The following CSMD3 variants were observed in gnomAD, a reference collection of about 807,000 sequenced individuals.
CSMD3 encodes CUB and sushi domain-containing protein 3.
A neutral mutation model predicts 435.2 loss-of-function variants in CSMD3; 177 were observed. The observed-to-expected ratio is 0.41, with a 90% confidence interval of 0.36 to 0.46. The LOEUF (loss-of-function observed/expected upper bound fraction) is 0.46. Among genes scored for constraint, CSMD3 ranks in the 20% least tolerant of loss-of-function variants. The pLI is 0.34. For synonymous variants in CSMD3, 1,656 were observed against 1,520.5 expected, an observed-to-expected ratio of 1.09 and a Z score of -2.07; for missense variants, 4,265 against 4,504.6, an observed-to-expected ratio of 0.95 and a Z score of 1.52.
chr8:112,366,207 T>C (rs969184041), intron 38 of CSMD3, among the ~76,000 whole-genome samples: 1 of 152,174 alleles, frequency 6.6e-6, no homozygotes, highest in African/African-American at 2.4e-5. Flanking sequence ...ATTCTGCTGG[T>C]TGACTTTCTG....
intron 30 of CSMD3, among the ~76,000 whole-genome samples, chr8:112,494,505 T>TTC (rs1288395397): frequency 2.1e-4 from 12 of 56,266 alleles, no homozygotes; most frequent in African/African-American, 5.7e-4. Context: ...CTTTCTTTCT[T>TTC]TCTTTCTTTC....
intron 10 of CSMD3, among the ~76,000 whole-genome samples, chr8:112,893,077 A>G (rs1173256189): frequency 2.0e-5 from 3 of 151,192 alleles, no homozygotes; most frequent in African/African-American, 7.3e-5. Flanking sequence ...TATAACAACA[A>G]CAACTACTAC....
chr8:113,311,808 A>C lies in CSMD3; in HGVS notation c.401+2763T>G, dbSNP rs1342042008. The stretch of plus-strand genomic sequence containing the variant: ...CTTCTTGAAGCACAAAAACCAATAA[A>C]TGTGTTAAATGTTTACAGTGAGCAA... On this transcript the variant is annotated intron_variant, in intron 2 of 70. Coordinates refer to ENST00000297405, the MANE Select transcript of CSMD3 (RefSeq NM_198123.2). 5.3e-5 allele frequency: 8 copies of C among 152,246 alleles called. No individual in the cohort carries two copies. In the East Asian group the frequency reaches 1.5e-3, roughly 29 times the overall value. 9.4% of individuals were successfully genotyped at this position (152,246 alleles called of 1,614,324 possible).
At chr8:113,134,243 T>C (rs2091357851) in intron 4 of CSMD3, among the ~76,000 whole-genome samples, 1 of 152,082 alleles carries the variant, frequency 6.6e-6, no homozygotes, top group African/African-American at 2.4e-5. Context: ...TTTCCTATAT[T>C]ACCTCCTTCT....
intron 27 of CSMD3, among the ~76,000 whole-genome samples, chr8:112,541,588 A>G (rs766390569): frequency 3.9e-5 from 6 of 151,914 alleles, no homozygotes; most frequent in Non-Finnish European, 7.4e-5. Flanking sequence ...CATTATTAAT[A>G]TGGCCATTTA....
intron 35 of CSMD3, among the ~76,000 whole-genome samples, chr8:112,397,632 T>A (rs1371885962): frequency 6.6e-6 from 1 of 152,160 alleles, no homozygotes; most frequent in Non-Finnish European, 1.5e-5. Context: ...TCTGGCTGTG[T>A]CCTCACATGG....
chr8:112,755,962 A>T (rs1413349328), intron 13 of CSMD3, among the ~76,000 whole-genome samples: 2 of 151,700 alleles, frequency 1.3e-5, no homozygotes, highest in African/African-American at 2.4e-5. Flanking sequence ...TGGTCACAAG[A>T]TTGAGATTAT....
chr8:112,468,290 CT>C (rs1752014021), intron 32 of CSMD3, among the ~76,000 whole-genome samples: 1 of 103,600 alleles, frequency 9.7e-6, no homozygotes. Flanking sequence ...TCAGCTTTGT[CT>C]TCTCTACTGT....
At chr8:112,890,192 C>A (rs2081741761) in intron 10 of CSMD3, among the ~76,000 whole-genome samples, 1 of 151,618 alleles carries the variant, frequency 6.6e-6, no homozygotes, top group African/African-American at 2.4e-5. Flanking sequence ...TTCTTCCCAT[C>A]AAAATGCATC....
chr8:113,353,694 T>C (rs2094204053), intron 1 of CSMD3, among the ~76,000 whole-genome samples: 1 of 152,168 alleles, frequency 6.6e-6, no homozygotes, highest in Non-Finnish European at 1.5e-5. Context: ...CCTGTTAAAG[T>C]GGATTCACTC....
intron 13 of CSMD3, among the ~76,000 whole-genome samples, chr8:112,792,860 T>A (rs1232132463): frequency 2.6e-5 from 4 of 152,056 alleles, no homozygotes; most frequent in Non-Finnish European, 4.4e-5. Flanking sequence ...TGTGGGTCTA[T>A]TTCTGAACTA....
intron 5 of CSMD3, among the ~76,000 whole-genome samples, chr8:113,039,484 T>C (rs374267079): frequency 1.3e-5 from 2 of 152,294 alleles, no homozygotes; most frequent in East Asian, 1.9e-4. Flanking sequence ...TGCATACATA[T>C]GCACAAATAA....
intron 5 of CSMD3, among the ~76,000 whole-genome samples, chr8:113,071,925 T>C (rs879828335): frequency 6.6e-6 from 1 of 151,870 alleles, no homozygotes; most frequent in Non-Finnish European, 1.5e-5. Flanking sequence ...AAAAAATATT[T>C]GCTGTTTCAA....
Position 112,287,042 on chromosome 8 carries a change from T to C in CSMD3, c.9331+22A>G, listed in dbSNP as rs750765932. On this transcript the variant is annotated intron_variant, in intron 58 of 70. Transcript: ENST00000297405. ...ACTAAAATCCAGTAGTTGCAATATA[T>C]TTAATTTCTGCTTGAGATTACCTTT... is the stretch of plus-strand genomic sequence containing the variant. 2.6e-5 allele frequency: 42 copies of C among 1,599,062 alleles called. No homozygotes were observed. In the East Asian group the frequency reaches 9.2e-4, roughly 35 times the overall value.
rs745434580 is a variant in CSMD3 at position 112,304,714 on chromosome 8, T to G, written c.8266+7A>C. The G allele has an allele frequency of 2.5e-6, 4 of 1,600,146 alleles. No homozygotes were observed. The highest frequency in any genetic ancestry group is 3.4e-6 in the Non-Finnish European group (4 of 1,167,436). ...TATGAAATAAGTTTAGCAGAGTGTA[T>G]ACTTACTTTGGCAATATGGTCTTTC... On this transcript the variant is annotated splice_region_variant and intron_variant, in intron 52 of 70. Transcript: ENST00000297405.
At chr8:112,424,890 C>T (rs1394207443) in intron 32 of CSMD3, among the ~76,000 whole-genome samples, 1 of 152,160 alleles carries the variant, frequency 6.6e-6, no homozygotes, top group African/African-American at 2.4e-5. Flanking sequence ...CGGGGTTTCA[C>T]CATGTTGGCC....
At chr8:112,414,043 T>C (rs544488569) in intron 32 of CSMD3, among the ~76,000 whole-genome samples, 1 of 152,230 alleles carries the variant, frequency 6.6e-6, no homozygotes, top group Admixed American at 6.5e-5. Context: ...TCCCTGATGT[T>C]TCCTCTTAAT....
intron 13 of CSMD3, among the ~76,000 whole-genome samples, chr8:112,747,112 T>G (rs1282700011): frequency 1.3e-5 from 2 of 151,014 alleles, no homozygotes; most frequent in East Asian, 1.9e-4. Context: ...CTCTAGTTCA[T>G]TATTCCCATA....
chr8:113,305,163 A>AG (rs1051571520), intron 2 of CSMD3, among the ~76,000 whole-genome samples: 6 of 69,776 alleles, frequency 8.6e-5, no homozygotes, highest in African/African-American at 2.9e-4. Flanking sequence ...GGGTTGGGGG[A>AG]GGGGGGAGGG....
Sources: gnomAD v4.1 joint callset for allele counts (sites outside exome capture counted in the v4.1 genomes callset) on GRCh38, gnomAD v4.1.1 for gene constraint, MANE v1.5 for transcripts, NCBI Gene and HGNC (gene_info 2026-07-23, HGNC 2026-07-21) for gene names.